The following SCGB2B2 variants were observed in gnomAD, a reference collection of about 807,000 sequenced individuals.
SCGB2B2 encodes the protein secretoglobin family 2B member 2.
A neutral mutation model predicts 7.6 loss-of-function variants in SCGB2B2; 11 were observed. The observed-to-expected ratio is 1.45, with a 90% CI of 0.91 to 2.40. The LOEUF is 2.40. Ranked by LOEUF, SCGB2B2 falls within the 30% of genes most tolerant of loss-of-function variation. The probability of loss-of-function intolerance (pLI) is 0.00; values close to 1 mark genes in which losing one functional copy is unlikely to be tolerated. For synonymous variants in SCGB2B2, 50 were observed against 48.6 expected (o/e 1.03, Z -0.12); for missense variants, 104 against 115.4 (o/e 0.90, Z 0.45).
intron 1 of SCGB2B2, among the ~76,000 whole-genome samples, chr19:34,644,747 T>G (rs374858633): frequency 6.6e-6 from 1 of 152,270 alleles, no homozygotes; most frequent in African/African-American, 2.4e-5. Flanking sequence ...TATATTAATA[T>G]ATCACATGTA....
chr19:34,601,284 A>G (rs1415350152), intron 1 of SCGB2B2, among the ~76,000 whole-genome samples: 2 of 152,214 alleles, frequency 1.3e-5, no homozygotes, highest in African/African-American at 4.8e-5. Flanking sequence ...TGTGTTGACT[A>G]CACACTAAAG....
At chr19:34,674,844 T>C (rs1309159045) in intron 1 of SCGB2B2, among the ~76,000 whole-genome samples, 1 of 152,206 alleles carries the variant, frequency 6.6e-6, no homozygotes, top group African/African-American at 2.4e-5. Context: ...AGAAAACACA[T>C]TCAGTTACTA....
chr19:34,643,905 A>C (rs2066915690), intron 1 of SCGB2B2, among the ~76,000 whole-genome samples: 1 of 152,082 alleles, frequency 6.6e-6, no homozygotes, highest in Non-Finnish European at 1.5e-5. Context: ...AAAGTTAAGC[A>C]GAAAAAAAAA....
At chr19:34,664,789 C>G (rs1378353988) in intron 1 of SCGB2B2, among the ~76,000 whole-genome samples, 1 of 152,140 alleles carries the variant, frequency 6.6e-6, no homozygotes, top group East Asian at 1.9e-4. Context: ...TTGCAGCTCC[C>G]GCTGACCCCT....
At chr19:34,645,529 CACACAGACACAG>C (rs756594557) in intron 1 of SCGB2B2, 12,718 of 61,428 alleles carry the variant, frequency 0.21, 573 homozygotes, top group Non-Finnish European at 0.26. Flanking sequence ...CACACAGACA[CACACAGACACAG>C]ACACACACAC....
At chr19:34,641,044 G>A (rs1206060696) in intron 1 of SCGB2B2, among the ~76,000 whole-genome samples, 3 of 148,908 alleles carry the variant, frequency 2.0e-5, no homozygotes, top group East Asian at 3.9e-4. Flanking sequence ...GAATATATTC[G>A]GGGTGTGATG....
intron 1 of SCGB2B2, among the ~76,000 whole-genome samples, chr19:34,626,483 C>T (rs979186674): frequency 4.0e-4 from 61 of 151,966 alleles, no homozygotes; most frequent in Non-Finnish European, 7.5e-4. Context: ...GTAGCCGATT[C>T]GATCAACTGG....
intron 1 of SCGB2B2, among the ~76,000 whole-genome samples, chr19:34,648,178 A>G (rs1207333524): frequency 2.0e-5 from 3 of 152,226 alleles, no homozygotes; most frequent in South Asian, 2.1e-4. Flanking sequence ...TGAGACACAG[A>G]AACTGTGAGA....
intron 1 of SCGB2B2, among the ~76,000 whole-genome samples, chr19:34,630,280 A>G (rs2066492478): frequency 6.6e-6 from 1 of 151,916 alleles, no homozygotes; most frequent in South Asian, 2.1e-4. Context: ...AATTAAACTA[A>G]AGAGCTTCTG....
chr19:34,621,318 G>A (rs765917336), intron 1 of SCGB2B2, among the ~76,000 whole-genome samples: 4 of 152,140 alleles, frequency 2.6e-5, no homozygotes, highest in African/African-American at 7.2e-5. Flanking sequence ...AAAGCATACA[G>A]TTTCTAGGGC....
At chr19:34,627,047 C>A (rs192652615) in intron 1 of SCGB2B2, among the ~76,000 whole-genome samples, 15 of 152,288 alleles carry the variant, frequency 9.8e-5, no homozygotes, top group African/African-American at 3.6e-4. Context: ...CCTTTACAGA[C>A]AAGCAAATGC....
chr19:34,622,141 T>C (rs2066258353), intron 1 of SCGB2B2, among the ~76,000 whole-genome samples: 6 of 152,240 alleles, frequency 3.9e-5, no homozygotes, highest in Admixed American at 2.6e-4. Context: ...AGAGGCAAGC[T>C]GGCCGTACTT....
rs117104461 is a variant in SCGB2B2 at position 34,647,751 on chromosome 19, G to A, written c.-2032+27879C>T. 5.7e-3 allele frequency among the ~76,000 whole-genome samples: 872 copies of A among 152,288 alleles called. 3 individuals are homozygous for A. The highest frequency in any genetic ancestry group is 9.7e-3 in the Non-Finnish European group (660 of 68,032). On this transcript the variant is annotated intron_variant, in intron 1 of 3. Coordinates refer to ENST00000601241, the MANE Select transcript of SCGB2B2 (RefSeq NM_001025591.4). ...TGAAGTTCACATCCAAGGTGAAGAG[G>A]GGGTTGTAAAGCTGAAGAAAATTGT...
chr19:34,599,712 TCCCTGTCCTCTCCTGTCTTTTCCTCCCCG>T (rs2065567070), intron 1 of SCGB2B2, among the ~76,000 whole-genome samples: 1 of 152,048 alleles, frequency 6.6e-6, no homozygotes, highest in Non-Finnish European at 1.5e-5. Flanking sequence ...CTCTCTTCCC[TCCCTGTCCTCTCCTGTCTTTTCCTCCCCG>T]CCCTGTTCTC....
chr19:34,657,135 T>C (rs896237452), intron 1 of SCGB2B2, among the ~76,000 whole-genome samples: 2 of 151,316 alleles, frequency 1.3e-5, no homozygotes, highest in Non-Finnish European at 2.9e-5. Flanking sequence ...CGAACATTTA[T>C]AAACTGACAC....
rs1445387063 is a variant in SCGB2B2 at position 34,620,506 on chromosome 19, C to T, written c.-2031-23912G>A. ...GAACACTTGGACATAGGGTGGGGTA[C>T]ATCACACACCAGGGTGGGGGGAGGG... On this transcript the variant is annotated intron_variant, in intron 1 of 3. Transcript: ENST00000601241. 4.6e-5 allele frequency among the ~76,000 whole-genome samples: 2 copies of T among 43,182 alleles called. 1 individual carries two copies. The highest frequency in any genetic ancestry group is 2.3e-4 in the African/African-American group (2 of 8,836). The allele number at this position is 43,182 out of a possible 152,430, so 28.3% of individuals were successfully genotyped here.
At chr19:34,630,085 T>C (rs1251744764) in intron 1 of SCGB2B2, among the ~76,000 whole-genome samples, 1 of 151,926 alleles carries the variant, frequency 6.6e-6, no homozygotes, top group African/African-American at 2.4e-5. Flanking sequence ...ACTGGATCCC[T>C]TCCTTACACC....
In SCGB2B2 at chr19:34,594,634, A is replaced by G. The variant is rs2065393493; in HGVS notation, c.-71T>C. On this transcript the variant is annotated 5_prime_UTR_variant, in exon 2 of 4. Coordinates refer to ENST00000601241, the MANE Select transcript of SCGB2B2 (RefSeq NM_001025591.4). ...ATGGGTGAGCTTTATGTATATCTGA[A>G]CAAGGCACATGCCTCTTCGTGTGTG... 1 of 1,161,182 alleles carries G rather than the reference A, an allele frequency of 8.6e-7. No individual in the cohort carries two copies. The highest frequency in any genetic ancestry group is 1.2e-5 in the South Asian group (1 of 80,570). 71.9% of individuals were successfully genotyped at this position (1,161,182 alleles called of 1,614,324 possible). A position where few individuals can be genotyped will look rare whatever the true frequency, so the allele number is the denominator to read the frequency against.
In SCGB2B2 at chr19:34,616,976, G is replaced by A. The variant is rs533110289; in HGVS notation, c.-2031-20382C>T. ...CCCATTGCTTGTTTTTCTTAGTTTT[G>A]TCAAAGATCAGATAGTTGTAGATAT... is the stretch of plus-strand genomic sequence containing the variant. On this transcript the variant is annotated intron_variant, in intron 1 of 3. Transcript: ENST00000601241. 2.0e-5 allele frequency among the ~76,000 whole-genome samples: 3 copies of A among 152,202 alleles called. No homozygotes were observed. The South Asian group carries it at 6.2e-4, about 32-fold the overall frequency.
Sources: gnomAD v4.1 joint callset for allele counts (sites outside exome capture counted in the v4.1 genomes callset) on GRCh38, gnomAD v4.1.1 for gene constraint, MANE v1.5 for transcripts, NCBI Gene and HGNC (gene_info 2026-07-23, HGNC 2026-07-21) for gene names.